NIT2: variants seen among roughly 807,000 people sequenced by gnomAD.
The protein encoded by NIT2 is omega-amidase NIT2.
Under a neutral mutation model 42.7 loss-of-function variants are expected in NIT2, and 46 were observed. The observed-to-expected ratio is 1.08, with a 90% CI of 0.85 to 1.38. NIT2 has a LOEUF of 1.38. NIT2 is among the 40% of genes most tolerant of loss of function. NIT2 has a pLI of 0.00. For synonymous variants in NIT2, 123 were observed against 121.9 expected, an observed-to-expected ratio of 1.01 and a Z score of -0.06; for missense variants, 309 against 342.5, an observed-to-expected ratio of 0.90 and a Z score of 0.77.
Position 100,355,243 on chromosome 3 carries a change from A to G in NIT2, c.806A>G (p.Tyr269Cys), listed in dbSNP as rs1706314920. ...TTTAGACAGAAGCGATCAGACCTCT[A>G]TGCTGTGGAGATGAAAAAGCCCTAA... The part of the protein sequence containing the change: ...PVFRQKRSDL[Y>C]AVEMKKP The change falls in exon 10 of 10, where the codon TAT becomes TGT. Residue 269 changes from tyrosine (Y) to cysteine (C), a missense_variant. Transcript: ENST00000394140. 1.9e-6 allele frequency: 3 copies of G among 1,613,942 alleles called. No individual in the cohort carries two copies. The highest frequency in any genetic ancestry group is 1.3e-5 in the African/African-American group (1 of 74,944).
intron 8 of NIT2, among the ~76,000 whole-genome samples, chr3:100,353,038 G>A (rs1043153671): frequency 6.6e-6 from 1 of 152,182 alleles, no homozygotes; most frequent in Non-Finnish European, 1.5e-5. Flanking sequence ...ACAGTCATAC[G>A]CTCATACGCA....
intron 1 of NIT2, among the ~76,000 whole-genome samples, chr3:100,336,759 C>A (rs1013045460): frequency 2.0e-5 from 3 of 152,212 alleles, no homozygotes; most frequent in Non-Finnish European, 2.9e-5. Context: ...GGGTTTTATA[C>A]CGAGACATTC....
Position 100,341,173 on chromosome 3 carries a change from G to T in NIT2, c.336+12G>T, listed in dbSNP as rs1004419954. 6 of 1,591,230 alleles carry T rather than the reference G, an allele frequency of 3.8e-6. No homozygotes were observed. The highest frequency in any genetic ancestry group is 5.2e-6 in the Non-Finnish European group (6 of 1,159,364). On this transcript the variant is annotated intron_variant, in intron 4 of 9. Coordinates refer to ENST00000394140, the MANE Select transcript of NIT2 (RefSeq NM_020202.5). ...CAAAGTATAGAAAGGTAAGTAGGAA[G>T]TGTGGCATAAGAATTTGTTATCTCT...
intron 3 of NIT2, among the ~76,000 whole-genome samples, chr3:100,340,391 T>C (rs116452394): frequency 0.017 from 2,556 of 152,220 alleles, 37 homozygotes; most frequent in African/African-American, 0.045. Context: ...TAATAGAGGA[T>C]TGAGAAAAAA....
chr3:100,356,808 A>G lies in NIT2; in HGVS notation c.*1540A>G, dbSNP rs745319332. On this transcript the variant is annotated 3_prime_UTR_variant, in exon 10 of 10. Transcript: ENST00000394140. ...CTGGCTAGTCCTTTGTCAATCACTG[A>G]TAAATTTTATTACTATAGATTAGCT... is the stretch of plus-strand genomic sequence containing the variant. 5 of 152,222 alleles carry G rather than the reference A, an allele frequency of 3.3e-5. No individual in the cohort carries two copies. In the East Asian group the frequency reaches 7.7e-4, roughly 23 times the overall value. 9.4% of individuals were successfully genotyped at this position (152,222 alleles called of 1,614,324 possible).
rs1706383076 is a variant in NIT2 at position 100,361,316 on chromosome 3, C to G, written c.*6048C>G. The G allele has an allele frequency of 6.6e-6, 1 of 152,190 alleles. No individual in the cohort carries two copies. The highest frequency in any genetic ancestry group is 2.4e-5 in the African/African-American group (1 of 41,438). 9.4% of individuals were successfully genotyped at this position (152,190 alleles called of 1,614,324 possible). On this transcript the variant is annotated 3_prime_UTR_variant, in exon 10 of 10. Transcript: ENST00000394140. ...CCCAAGAGCCAATGTTAGTCATGGT[C>G]TTCCTGTATTTGCTCTAGGTAAGCT...
At position 100,339,852 on chromosome 3, in the gene NIT2, C is replaced by G; in HGVS notation, c.164C>G (p.Pro55Arg). ...FNSPYGAKYF[P>R]EYAEKIPGES... Reference sequence around the variant, plus strand: ...TCTCCATATGGAGCGAAATATTTTCCTGAATATGCAGAGAAAATTCCTGGT... The same window carrying G: ...TCTCCATATGGAGCGAAATATTTTCGTGAATATGCAGAGAAAATTCCTGGT... Residue 55 changes from proline to arginine, a missense_variant, in exon 3 of 10, where the codon CCT (proline) becomes CGT (arginine). By Grantham distance (103) the Pro-to-Arg change is moderately radical. Transcript: ENST00000394140. 1 of 1,612,582 alleles carries G rather than the reference C, an allele frequency of 6.2e-7. No homozygotes were observed. Among genetic ancestry groups the G allele is most frequent in the Non-Finnish European group, 8.5e-7 (1 of 1,179,152 alleles).
intron 1 of NIT2, among the ~76,000 whole-genome samples, chr3:100,337,673 G>A (rs1327069222): frequency 6.6e-6 from 1 of 152,076 alleles, no homozygotes; most frequent in East Asian, 1.9e-4. Context: ...AGGCTGGTCT[G>A]AAACTCCTGA....
intron 4 of NIT2, among the ~76,000 whole-genome samples, chr3:100,341,697 T>C (rs1706156134): frequency 6.6e-6 from 1 of 152,092 alleles, no homozygotes. Flanking sequence ...TAGTATTTCA[T>C]TGAATATATA....
chr3:100,335,756 C>T (rs1199728582), intron 1 of NIT2, among the ~76,000 whole-genome samples: 1 of 152,200 alleles, frequency 6.6e-6, no homozygotes, highest in African/African-American at 2.4e-5. Flanking sequence ...GTAATCCCAA[C>T]AGTTTGGGAA....
intron 3 of NIT2, among the ~76,000 whole-genome samples, chr3:100,340,534 T>G (rs1279370071): frequency 6.6e-6 from 1 of 152,072 alleles, no homozygotes; most frequent in African/African-American, 2.4e-5. Context: ...CAAATACAAT[T>G]TTTTCTGTAT....
At chr3:100,352,124 G>A (rs1348577867) in intron 7 of NIT2, among the ~76,000 whole-genome samples, 1 of 152,242 alleles carries the variant, frequency 6.6e-6, no homozygotes, top group East Asian at 1.9e-4. Flanking sequence ...GTGCTGGAAA[G>A]GATGTGGAGA....
chr3:100,342,760 T>C (rs764072018), intron 4 of NIT2, among the ~76,000 whole-genome samples: 2 of 152,132 alleles, frequency 1.3e-5, no homozygotes, highest in Non-Finnish European at 2.9e-5. Flanking sequence ...TAAATAGTCA[T>C]ATGTATTTTA....
At chr3:100,351,594 A>T (rs1476690451) in intron 7 of NIT2, among the ~76,000 whole-genome samples, 1 of 152,266 alleles carries the variant, frequency 6.6e-6, no homozygotes, top group Non-Finnish European at 1.5e-5. Context: ...TACACTTTAT[A>T]CAAAAGTTAA....
chr3:100,355,158 A>G lies in NIT2; in HGVS notation c.740-19A>G. The G allele has an allele frequency of 1.3e-6, 2 of 1,597,548 alleles. No individual in the cohort carries two copies. The highest frequency in any genetic ancestry group is 1.7e-6 in the Non-Finnish European group (2 of 1,165,524). ...AGGAGTTGCAAATTATTAATAGTGC[A>G]CTTTCCTGTTTTTTGCAGACCTGAA... On this transcript the variant is annotated intron_variant, in intron 9 of 9. Coordinates refer to ENST00000394140, the MANE Select transcript of NIT2 (RefSeq NM_020202.5).
chr3:100,341,097 G>A lies in NIT2; in HGVS notation c.272G>A (p.Gly91Glu). Residue 91 changes from glycine to glutamate, a missense_variant, in exon 4 of 10, where the codon GGG becomes GAG. Physicochemically the swap from Gly to Glu is moderately conservative, Grantham distance 98. Transcript: ENST00000394140. ...GGCTCTATCCCTGAAGAGGATGCTG[G>A]GAAATTATATAACACCTGTGCTGTG... is the stretch of plus-strand genomic sequence containing the variant. ...IGGSIPEEDAGKLYNTCAVFG... is the reference protein window; with the variant it reads ...IGGSIPEEDAEKLYNTCAVFG... The A allele has an allele frequency of 6.2e-7, 1 of 1,613,314 alleles. No individual in the cohort carries two copies. The highest frequency in any genetic ancestry group is 8.5e-7 in the Non-Finnish European group (1 of 1,179,296).
At position 100,352,404 on chromosome 3, in the gene NIT2, G is replaced by A; in HGVS notation, c.585G>A (p.Arg195=). The change falls in exon 8 of 10, where the codon CGG becomes CGA. Residue 195 remains arginine, a splice_region_variant and synonymous_variant. Coordinates refer to ENST00000394140, the MANE Select transcript of NIT2 (RefSeq NM_020202.5). ...PAHWELLQRS[R]AVDNQVYVAT... ...CCTCTTTCCTGTCTATTGACTACAG[G>A]GCTGTTGATAATCAGGTGTATGTGG... 6.2e-7 allele frequency: 1 copy of A among 1,611,278 alleles called. No individual in the cohort carries two copies. The highest frequency in any genetic ancestry group is 8.5e-7 in the Non-Finnish European group (1 of 1,177,846).
At chr3:100,343,710 A>G (rs1706180277) in intron 4 of NIT2, among the ~76,000 whole-genome samples, 1 of 152,204 alleles carries the variant, frequency 6.6e-6, no homozygotes, top group Admixed American at 6.5e-5. Flanking sequence ...TAGGCCTTTA[A>G]AAGGCCCCTG....
chr3:100,337,376 C>T (rs1185767695), intron 1 of NIT2, among the ~76,000 whole-genome samples: 9 of 152,160 alleles, frequency 5.9e-5, no homozygotes, highest in Non-Finnish European at 4.4e-5. Flanking sequence ...AGACCATAAG[C>T]AGGAACTATG....
Sources: gnomAD v4.1 joint callset for allele counts (sites outside exome capture counted in the v4.1 genomes callset) on GRCh38, gnomAD v4.1.1 for gene constraint, MANE v1.5 for transcripts, NCBI Gene and HGNC (gene_info 2026-07-23, HGNC 2026-07-21) for gene names.